CFH: variants seen among roughly 807,000 people sequenced by gnomAD.
CFH encodes the protein complement factor H.
Under a neutral mutation model 147.3 loss-of-function variants are expected in CFH, and 53 were observed. The observed-to-expected ratio is 0.36, with a 90% CI of 0.29 to 0.45. CFH has a LOEUF of 0.45. Among genes scored for constraint, CFH ranks in the 20% least tolerant of loss-of-function variants. The pLI, the probability that CFH is intolerant of heterozygous loss-of-function variation, is 1.00. For missense variants in CFH, 1,380 were observed against 1,498.0 expected, an observed-to-expected ratio of 0.92 and a Z score of 1.30; for synonymous variants, 536 against 489.4, an observed-to-expected ratio of 1.10 and a Z score of -1.26.
chr1:196,738,480 A>T (rs1194624309), intron 17 of CFH, among the ~76,000 whole-genome samples: 1 of 152,212 alleles, frequency 6.6e-6, no homozygotes, highest in African/African-American at 2.4e-5. Flanking sequence ...GGGATTGGGT[A>T]AATGCTTCCA....
chr1:196,695,320 TGTGTG>T (rs1484259653), intron 9 of CFH, among the ~76,000 whole-genome samples: 3 of 152,124 alleles, frequency 2.0e-5, no homozygotes, highest in Non-Finnish European at 4.4e-5. Flanking sequence ...TGGTTGTAGA[TGTGTG>T]GTGTTATTTC....
At chr1:196,661,546 A>G (rs1369215041) in intron 1 of CFH, among the ~76,000 whole-genome samples, 1 of 152,200 alleles carries the variant, frequency 6.6e-6, no homozygotes, top group Admixed American at 6.5e-5. Context: ...CCAATGATGA[A>G]AGGGACAAGG....
intron 9 of CFH, among the ~76,000 whole-genome samples, chr1:196,697,775 A>C (rs1226217606): frequency 1.3e-5 from 2 of 152,160 alleles, no homozygotes; most frequent in Admixed American, 6.5e-5. Flanking sequence ...ACAATGATAG[A>C]CTGGATTAAG....
intron 1 of CFH, among the ~76,000 whole-genome samples, chr1:196,672,650 G>A (rs1044975321): frequency 8.5e-5 from 13 of 152,214 alleles, no homozygotes; most frequent in Non-Finnish European, 7.4e-5. Context: ...CCAAATTAAT[G>A]GAAGAATAGT....
chr1:196,740,803 T>C lies in CFH; in HGVS notation c.2956+11T>C. 1.2e-6 allele frequency: 2 copies of C among 1,612,422 alleles called. No individual in the cohort carries two copies. Among genetic ancestry groups the C allele is most frequent in the Non-Finnish European group, 1.7e-6 (2 of 1,178,500 alleles). On this transcript the variant is annotated intron_variant, in intron 18 of 21. Coordinates refer to ENST00000367429, the MANE Select transcript of CFH (RefSeq NM_000186.4). ...CTCCATCATGCATAAGTATGGTGCA[T>C]TGAATTTTATTATATGTATGATAAA... is the stretch of plus-strand genomic sequence containing the variant.
At chr1:196,658,920 C>T (rs892861054) in intron 1 of CFH, among the ~76,000 whole-genome samples, 3 of 152,046 alleles carry the variant, frequency 2.0e-5, no homozygotes, top group Non-Finnish European at 4.4e-5. Context: ...AAAGCTTCAC[C>T]AATGTAGTGT....
chr1:196,739,826 T>C (rs1301126149), intron 17 of CFH, among the ~76,000 whole-genome samples: 1 of 152,146 alleles, frequency 6.6e-6, no homozygotes, highest in Non-Finnish European at 1.5e-5. Context: ...GCAGTACCAA[T>C]TTACTGTATT....
chr1:196,693,955 G>GGA (rs1553275432), intron 9 of CFH, among the ~76,000 whole-genome samples: 72 of 142,656 alleles, frequency 5.0e-4, no homozygotes, highest in Admixed American at 7.1e-5. Flanking sequence ...TTAGATAAAT[G>GGA]GTGTGTGTGT....
intron 14 of CFH, among the ~76,000 whole-genome samples, chr1:196,727,923 T>G (rs558272612): frequency 6.6e-6 from 1 of 152,286 alleles, no homozygotes; most frequent in South Asian, 2.1e-4. Context: ...ACTTGAGATG[T>G]ACAATCTTTA....
intron 5 of CFH, 105 bp downstream of exon 5, chr1:196,677,772 T>C: frequency 9.2e-7 from 1 of 1,089,884 alleles, no homozygotes; most frequent in Non-Finnish European, 1.4e-6. Flanking sequence ...CAATAGCTAA[T>C]GTTTATTGAG....
intron 1 of CFH, among the ~76,000 whole-genome samples, chr1:196,653,046 C>T (rs1007968595): frequency 2.0e-5 from 3 of 151,638 alleles, no homozygotes; most frequent in African/African-American, 4.8e-5. Flanking sequence ...AATCTTTTCA[C>T]TTAGTAAAGA....
At chr1:196,654,460 G>A (rs1666615025) in intron 1 of CFH, among the ~76,000 whole-genome samples, 1 of 151,942 alleles carries the variant, frequency 6.6e-6, no homozygotes, top group African/African-American at 2.4e-5. Flanking sequence ...CTGGCTCAGG[G>A]GGTCACTGCA....
chr1:196,653,470 C>G (rs1666574067), intron 1 of CFH, among the ~76,000 whole-genome samples: 1 of 151,788 alleles, frequency 6.6e-6, no homozygotes, highest in African/African-American at 2.4e-5. Context: ...TCTTTTCTTA[C>G]TAAATTTATG....
At chr1:196,741,005 A>G in intron 18 of CFH, 1 of 567,040 alleles carries the variant, frequency 1.8e-6, no homozygotes, top group South Asian at 2.0e-5. Flanking sequence ...GTGAACTTTA[A>G]GCATCCTCTG....
chr1:196,657,361 T>C (rs1666737915), intron 1 of CFH, among the ~76,000 whole-genome samples: 1 of 152,198 alleles, frequency 6.6e-6, no homozygotes. Flanking sequence ...GCATATAGAA[T>C]TGACCCTTGA....
chr1:196,717,892 A>G (rs146843429), intron 11 of CFH, among the ~76,000 whole-genome samples: 66 of 152,232 alleles, frequency 4.3e-4, no homozygotes, highest in African/African-American at 1.6e-3. Context: ...ACTTTGTGAC[A>G]GGAGATGGGA....
chr1:196,661,873 G>C (rs970217093), intron 1 of CFH, among the ~76,000 whole-genome samples: 2 of 151,932 alleles, frequency 1.3e-5, no homozygotes, highest in Non-Finnish European at 2.9e-5. Context: ...TACTTAAAAA[G>C]AGGTTTTGTT....
intron 15 of CFH, among the ~76,000 whole-genome samples, chr1:196,731,373 T>C (rs537232521): frequency 2.8e-4 from 43 of 152,032 alleles, no homozygotes; most frequent in Admixed American, 2.4e-3. Context: ...GAATTTTGAT[T>C]ACATATAAAA....
intron 1 of CFH, among the ~76,000 whole-genome samples, chr1:196,668,353 T>G (rs570667189): frequency 4.1e-4 from 62 of 152,344 alleles, no homozygotes; most frequent in African/African-American, 1.3e-3. Context: ...TGCTGACTTT[T>G]AATTTTCAGC....
Sources: gnomAD v4.1 joint callset for allele counts (sites outside exome capture counted in the v4.1 genomes callset) on GRCh38, gnomAD v4.1.1 for gene constraint, MANE v1.5 for transcripts, NCBI Gene and HGNC (gene_info 2026-07-23, HGNC 2026-07-21) for gene names.